Variants in TNRC6A observed in about 807,000 individuals in gnomAD.
The protein encoded by TNRC6A is trinucleotide repeat-containing gene 6A protein.
Under a neutral mutation model 221.2 loss-of-function variants are expected in TNRC6A, and 44 were observed. The observed-to-expected ratio is 0.20, with a 90% CI of 0.16 to 0.26. TNRC6A has a LOEUF of 0.26. Ranked by LOEUF, TNRC6A falls within the 10% of genes least tolerant of loss-of-function variation. TNRC6A has a pLI of 1.00. For missense variants in TNRC6A, 2,199 were observed against 2,404.4 expected, an observed-to-expected ratio of 0.91 and a Z score of 1.79; for synonymous variants, 847 against 838.5, an observed-to-expected ratio of 1.01 and a Z score of -0.18.
Position 24,797,946 on chromosome 16 carries a change from A to G in TNRC6A, c.3674A>G (p.Asn1225Ser), listed in dbSNP as rs767565374. 2.1e-5 allele frequency: 34 copies of G among 1,611,358 alleles called. No homozygotes were observed. Among genetic ancestry groups the G allele is most frequent in the South Asian group, 1.6e-4 (14 of 90,292 alleles). Reference sequence around the variant, plus strand: ...TCACCAGAGGAAAATGTACAAAGCAATAAGATGGACCTTTCTGGAGGTAAG... The same window carrying G: ...TCACCAGAGGAAAATGTACAAAGCAGTAAGATGGACCTTTCTGGAGGTAAG... ...RDSPEENVQS[N>S]KMDLSGGMLQ... The change falls in exon 11 of 25, where the codon AAT becomes AGT. Residue 1225 changes from asparagine to serine, a missense_variant. By Grantham distance (46) the Asn-to-Ser change is conservative. Transcript: ENST00000395799.
intron 2 of TNRC6A, among the ~76,000 whole-genome samples, chr16:24,702,953 T>A (rs546837337): frequency 2.6e-5 from 4 of 151,248 alleles, no homozygotes; most frequent in Admixed American, 2.6e-4. Context: ...GAGAATGATG[T>A]GAACCCAGGA....
intron 2 of TNRC6A, among the ~76,000 whole-genome samples, chr16:24,664,479 T>C (rs2055104059): frequency 7.0e-6 from 1 of 143,412 alleles, no homozygotes; most frequent in Non-Finnish European, 1.5e-5. Context: ...ATAATAAATA[T>C]AAATATAAAT....
upstream of TNRC6A, among the ~76,000 whole-genome samples, chr16:24,728,216 A>AG (rs1456774264): frequency 6.6e-6 from 1 of 152,114 alleles, no homozygotes; most frequent in Non-Finnish European, 1.5e-5. Context: ...TGGGAGGCCG[A>AG]GGGGGGCGAT....
chr16:24,790,896 G>T lies in TNRC6A; in HGVS notation c.2254G>T (p.Ala752Ser). ...GERKTDNGTE[A>S]WGSSATQTFN... is the part of the protein sequence containing the mutation. The stretch of plus-strand genomic sequence containing the variant: ...ACGAAAGACTGACAATGGGACAGAG[G>T]CCTGGGGAAGCTCTGCAACACAGAC... Residue 752 changes from alanine (A) to serine (S), a missense_variant, in exon 6 of 25, where the codon GCC becomes TCC. Coordinates refer to ENST00000395799, the MANE Select transcript of TNRC6A (RefSeq NM_014494.4). 2 of 1,614,106 alleles carry T rather than the reference G, an allele frequency of 1.2e-6. No homozygotes were observed. The highest frequency in any genetic ancestry group is 1.7e-6 in the Non-Finnish European group (2 of 1,180,036).
upstream of TNRC6A, among the ~76,000 whole-genome samples, chr16:24,725,800 G>A: frequency 6.6e-6 from 1 of 151,860 alleles, no homozygotes. Context: ...AGGAGTTCGA[G>A]ACCAGCCTGG....
chr16:24,745,164 A>C (rs1035175622), intron 2 of TNRC6A, among the ~76,000 whole-genome samples: 11 of 152,226 alleles, frequency 7.2e-5, no homozygotes, highest in African/African-American at 2.7e-4. Context: ...AAAATATGCA[A>C]AACTTCATTT....
chr16:24,660,895 C>T (rs894552824), intron 2 of TNRC6A, among the ~76,000 whole-genome samples: 1 of 151,800 alleles, frequency 6.6e-6, no homozygotes, highest in Non-Finnish European at 1.5e-5. Context: ...GTGCCCGCCA[C>T]CACGCCAGGC....
At chr16:24,698,148 C>T (rs549694600) in intron 2 of TNRC6A, among the ~76,000 whole-genome samples, 3 of 151,790 alleles carry the variant, frequency 2.0e-5, no homozygotes, top group East Asian at 1.9e-4. Context: ...GGCAACATAG[C>T]GAGACCCCGA....
At chr16:24,617,742 G>A (rs28615264) in intron 1 of TNRC6A, among the ~76,000 whole-genome samples, 4,536 of 152,188 alleles carry the variant, frequency 0.03, 228 homozygotes, top group African/African-American at 0.1. Context: ...AAGCCAGGCT[G>A]TGTTATCTCT....
chr16:24,823,662 G>T lies in TNRC6A; in HGVS notation c.5744G>T (p.Gly1915Val). ...LSGTNCGDLHGTSLWGTPHYS... is the reference protein window; with the variant it reads ...LSGTNCGDLHVTSLWGTPHYS... ...GGAACTAACTGTGGAGACCTTCACG[G>T]CACTTCACTCTGGGGGACCCCGCAT... The change falls in exon 25 of 25, where the codon GGC becomes GTC. Residue 1915 changes from glycine to valine, a missense_variant. Coordinates refer to ENST00000395799, the MANE Select transcript of TNRC6A (RefSeq NM_014494.4). The surrounding 1 kb of genome is among the most constrained non-coding windows in gnomAD (Gnocchi z 4.3). The T allele has an allele frequency of 1.2e-6, 2 of 1,612,298 alleles. No individual in the cohort carries two copies. The highest frequency in any genetic ancestry group is 2.2e-5 in the East Asian group (1 of 44,798).
chr16:24,708,875 A>C (rs2056149912), intron 2 of TNRC6A, among the ~76,000 whole-genome samples: 1 of 152,180 alleles, frequency 6.6e-6, no homozygotes, highest in South Asian at 2.1e-4. Flanking sequence ...CACATATGCC[A>C]TATTTTCTTT....
intron 4 of TNRC6A, among the ~76,000 whole-genome samples, chr16:24,760,562 A>C (rs1239938796): frequency 6.6e-6 from 1 of 152,070 alleles, no homozygotes; most frequent in Non-Finnish European, 1.5e-5. Flanking sequence ...GTCTCTCTTC[A>C]TAATTGTTCC....
intron 2 of TNRC6A, among the ~76,000 whole-genome samples, chr16:24,644,881 A>G (rs971433779): frequency 6.6e-6 from 1 of 152,254 alleles, no homozygotes; most frequent in Non-Finnish European, 1.5e-5. Flanking sequence ...TGAACCTAAC[A>G]TTTCTAAAAT....
intron 2 of TNRC6A, among the ~76,000 whole-genome samples, chr16:24,684,739 G>A (rs961827615): frequency 1.3e-5 from 2 of 151,940 alleles, no homozygotes; most frequent in African/African-American, 4.8e-5. Context: ...CCAAGAGTTC[G>A]AGGTTACCGT....
chr16:24,814,431 A>T (rs1453297164), intron 18 of TNRC6A, among the ~76,000 whole-genome samples: 1 of 21,454 alleles, frequency 4.7e-5, no homozygotes, highest in Admixed American at 4.3e-4. Flanking sequence ...TTTTTTGGAG[A>T]CGGAGTCTTG....
chr16:24,795,956 C>T lies in TNRC6A; in HGVS notation c.3561+17C>T, dbSNP rs767417828. The stretch of plus-strand genomic sequence containing the variant: ...AGGGAAAGGGTGTGTAGCCTTTTTA[C>T]TCTTTCTCCTTTGTTTCTACTAGTA... On this transcript the variant is annotated intron_variant, in intron 9 of 24. Coordinates refer to ENST00000395799, the MANE Select transcript of TNRC6A (RefSeq NM_014494.4). 6.2e-6 allele frequency: 10 copies of T among 1,612,970 alleles called. No homozygotes were observed. The highest frequency in any genetic ancestry group is 3.3e-4 in the Middle Eastern group (2 of 6,058).
chr16:24,809,001 G>T (rs951713091), intron 17 of TNRC6A, among the ~76,000 whole-genome samples: 10 of 152,112 alleles, frequency 6.6e-5, no homozygotes, highest in Non-Finnish European at 1.5e-4. Context: ...GCTAGTACAG[G>T]ACATTTTTAC....
chr16:24,684,828 C>A (rs1445744127), intron 2 of TNRC6A, among the ~76,000 whole-genome samples: 2 of 152,136 alleles, frequency 1.3e-5, no homozygotes, highest in African/African-American at 4.8e-5. Context: ...AAACTAAAAC[C>A]ATTTTTAGTT....
At chr16:24,654,896 A>G (rs573561994) in intron 2 of TNRC6A, among the ~76,000 whole-genome samples, 1 of 152,138 alleles carries the variant, frequency 6.6e-6, no homozygotes, top group South Asian at 2.1e-4. Flanking sequence ...ATATTATTTC[A>G]CGGTAGATGG....
Sources: gnomAD v4.1 joint callset for allele counts (sites outside exome capture counted in the v4.1 genomes callset) on GRCh38, gnomAD v4.1.1 for gene constraint, Gnocchi (gnomAD v3.1) non-coding constraint, MANE v1.5 for transcripts, NCBI Gene and HGNC (gene_info 2026-07-23, HGNC 2026-07-21) for gene names.